Variants in ERMP1 observed in about 807,000 individuals in gnomAD.
ERMP1 encodes the protein Felix-ina.
Under a neutral mutation model 92.0 loss-of-function variants are expected in ERMP1, and 86 were observed. That is an observed-to-expected ratio of 0.93 (90% confidence interval 0.79 to 1.12). The LOEUF is 1.12. Ranked by LOEUF, ERMP1 falls within the 50% of genes most tolerant of loss-of-function variation. The probability of loss-of-function intolerance (pLI) is 0.00; values close to 1 mark genes in which losing one functional copy is unlikely to be tolerated. For missense variants in ERMP1, 1,342 were observed against 1,116.3 expected (o/e 1.20, Z -2.88); for synonymous variants, 530 against 412.8 (o/e 1.28, Z -3.44).
exon 6 of ERMP1, among the ~76,000 whole-genome samples, chr9:5,859,564 G>C (rs7041526): frequency 1.3e-5 from 2 of 151,952 alleles, no homozygotes; most frequent in African/African-American, 4.8e-5. Flanking sequence ...GAGAAGTTCC[G>C]AGGCGAAGTT....
At position 5,811,293 on chromosome 9, in the gene ERMP1, A is replaced by G; in HGVS notation, c.1145T>C (p.Leu382Pro). The change falls in exon 7 of 15, where the codon CTA becomes CCA. Residue 382 changes from leucine to proline, a missense_variant. Coordinates refer to ENST00000339450, the MANE Select transcript of ERMP1 (RefSeq NM_024896.3). ...AGCAGCCAGCATATCAGATGTAGCT[A>G]GATGCTTAAGAACTGCTAAAATGTT... ...GDNILAVLKH[L>P]ATSDMLAAAS... The G allele has an allele frequency of 4.3e-6, 7 of 1,613,870 alleles. No homozygotes were observed. Among genetic ancestry groups the G allele is most frequent in the Non-Finnish European group, 5.9e-6 (7 of 1,179,798 alleles).
intron 10 of ERMP1, among the ~76,000 whole-genome samples, chr9:5,803,406 TTTCTTCTG>T (rs1828748283): frequency 6.6e-6 from 1 of 152,208 alleles, no homozygotes. Context: ...TTTAATCCTC[TTTCTTCTG>T]GTTTCCAAGA....
At chr9:5,811,005 C>T in intron 7 of ERMP1, 106 bp downstream of exon 7, 1 of 683,268 alleles carries the variant, frequency 1.5e-6, no homozygotes, top group Non-Finnish European at 2.4e-6. Flanking sequence ...CAAACATTGT[C>T]TTAAGATTTT....
intron 3 of ERMP1, 58 bp downstream of exon 3, chr9:5,825,034 C>G: frequency 1.3e-6 from 2 of 1,493,286 alleles, no homozygotes; most frequent in South Asian, 2.3e-5. Flanking sequence ...TAATATTTAG[C>G]TATTATTATT....
chr9:5,829,537 G>C (rs1169863055), intron 2 of ERMP1, among the ~76,000 whole-genome samples: 1 of 152,100 alleles, frequency 6.6e-6, no homozygotes, highest in Non-Finnish European at 1.5e-5. Context: ...TACTATTTTA[G>C]CGTTTTACTT....
At chr9:5,792,779 G>C (rs990086942) in intron 13 of ERMP1, among the ~76,000 whole-genome samples, 8 of 152,168 alleles carry the variant, frequency 5.3e-5, no homozygotes, top group African/African-American at 1.9e-4. Flanking sequence ...GTTAACTGAA[G>C]ACAGACATAC....
intron 10 of ERMP1, among the ~76,000 whole-genome samples, chr9:5,801,590 A>AG (rs961653015): frequency 2.9e-4 from 44 of 152,270 alleles, no homozygotes; most frequent in African/African-American, 9.1e-4. Flanking sequence ...AAAAACCAAG[A>AG]GGGAAAAAGG....
intron 4 of ERMP1, among the ~76,000 whole-genome samples, chr9:5,814,139 T>G (rs1829214436): frequency 6.6e-6 from 1 of 152,112 alleles, no homozygotes; most frequent in South Asian, 2.1e-4. Context: ...TTCATACTTA[T>G]CCTTAACTTT....
intron 6 of ERMP1, among the ~76,000 whole-genome samples, chr9:5,851,160 A>G (rs1830303503): frequency 6.6e-6 from 1 of 152,200 alleles, no homozygotes; most frequent in African/African-American, 2.4e-5. Context: ...CAATTTGTGA[A>G]CATAGTGCAT....
chr9:5,830,507 C>T (rs1829897657), intron 2 of ERMP1, among the ~76,000 whole-genome samples: 1 of 152,164 alleles, frequency 6.6e-6, no homozygotes, highest in Non-Finnish European at 1.5e-5. Flanking sequence ...GGGCTGCTGG[C>T]ATTAACACCA....
At chr9:5,860,051 G>A (rs1244870907) in intron 5 of ERMP1, among the ~76,000 whole-genome samples, 1 of 151,680 alleles carries the variant, frequency 6.6e-6, no homozygotes, top group Non-Finnish European at 1.5e-5. Context: ...TATAATTTCA[G>A]CACTTTGAGA....
chr9:5,786,990 G>A lies in ERMP1; in HGVS notation c.*154C>T. 1 of 713,464 alleles carries A rather than the reference G, an allele frequency of 1.4e-6. No individual in the cohort carries two copies. Among genetic ancestry groups the A allele is most frequent in the South Asian group, 1.9e-5 (1 of 51,528 alleles). 44.2% of individuals were successfully genotyped at this position (713,464 alleles called of 1,614,324 possible). A position where few individuals can be genotyped will look rare whatever the true frequency, so the allele number is the denominator to read the frequency against. On this transcript the variant is annotated 3_prime_UTR_variant, in exon 15 of 15. Coordinates refer to ENST00000339450, the MANE Select transcript of ERMP1 (RefSeq NM_024896.3). ...ACTGCGCCACAGCTAAACCCTTATAGTGCTTGGCCCTGAAAAGCGTTAACC... is the reference window on the plus strand; with the variant it reads ...ACTGCGCCACAGCTAAACCCTTATAATGCTTGGCCCTGAAAAGCGTTAACC...
At chr9:5,859,396 T>C (rs373304124) in intron 6 of ERMP1, among the ~76,000 whole-genome samples, 3 of 152,174 alleles carry the variant, frequency 2.0e-5, no homozygotes, top group Admixed American at 2.0e-4. Context: ...AAAGTTATGA[T>C]CCATAGTTTC....
At chr9:5,803,613 A>C (rs374735024) in intron 10 of ERMP1, among the ~76,000 whole-genome samples, 1 of 152,206 alleles carries the variant, frequency 6.6e-6, no homozygotes, top group Non-Finnish European at 1.5e-5. Flanking sequence ...CATTCAGTTC[A>C]TAACTAGTTG....
At chr9:5,845,138 T>C (rs1056707423) in intron 6 of ERMP1, among the ~76,000 whole-genome samples, 1 of 40,354 alleles carries the variant, frequency 2.5e-5, no homozygotes, top group East Asian at 9.1e-4. Context: ...TGGGAAACTT[T>C]CAGTGTTTTT....
At chr9:5,816,201 G>C (rs1411084169) in intron 4 of ERMP1, among the ~76,000 whole-genome samples, 1 of 152,270 alleles carries the variant, frequency 6.6e-6, no homozygotes, top group East Asian at 1.9e-4. Flanking sequence ...TGCTATATTT[G>C]ATCCTGGGTA....
At chr9:5,833,864 C>A (rs1386807754), upstream of ERMP1, among the ~76,000 whole-genome samples, 6 of 152,142 alleles carry the variant, frequency 3.9e-5, no homozygotes, top group Non-Finnish European at 8.8e-5. Flanking sequence ...CTCTCTGGGG[C>A]GGTTAAGCAG....
At chr9:5,810,529 C>T (rs1455717850) in intron 7 of ERMP1, among the ~76,000 whole-genome samples, 1 of 152,166 alleles carries the variant, frequency 6.6e-6, no homozygotes, top group East Asian at 1.9e-4. Flanking sequence ...TAATCTTCTT[C>T]ACTTTTGGTA....
rs576737067 is a variant in ERMP1, at chr9:5,801,586, C to G, written c.1915-258G>C. ...ACCTTTTTGGCATGCAGCCAAAAACCAAGAGGGAAAAAGGAAACTCAGGAC... is the reference window on the plus strand; with the variant it reads ...ACCTTTTTGGCATGCAGCCAAAAACGAAGAGGGAAAAAGGAAACTCAGGAC... On this transcript the variant is annotated intron_variant, in intron 10 of 14. Transcript: ENST00000339450. 2.8e-4 allele frequency among the ~76,000 whole-genome samples: 42 copies of G among 152,000 alleles called. No homozygotes were observed. The South Asian group carries it at 8.7e-3, about 32-fold the overall frequency.
Sources: gnomAD v4.1 joint callset for allele counts (sites outside exome capture counted in the v4.1 genomes callset) on GRCh38, gnomAD v4.1.1 for gene constraint, MANE v1.5 for transcripts, NCBI Gene and HGNC (gene_info 2026-07-23, HGNC 2026-07-21) for gene names.